TP63: variants seen among roughly 807,000 people sequenced by gnomAD.
TP63 encodes the protein tumor protein p63, also known as tumor protein 63.
Under a neutral mutation model 82.8 loss-of-function variants are expected in TP63, and 17 were observed. That is an observed-to-expected ratio of 0.21 (90% CI 0.14 to 0.31). The LOEUF (loss-of-function observed/expected upper bound fraction) is 0.31. TP63 is among the 10% of genes least tolerant of loss of function. The pLI, the probability that TP63 is intolerant of heterozygous loss-of-function variation, is 1.00. For synonymous variants in TP63, 330 were observed against 321.7 expected, an observed-to-expected ratio of 1.03 and a Z score of -0.28; for missense variants, 648 against 895.3, an observed-to-expected ratio of 0.72 and a Z score of 3.52.
Position 189,726,063 on chromosome 3 carries a change from C to T in TP63, c.63-11677C>T, listed in dbSNP as rs113489704. Reference sequence around the variant, plus strand: ...GAGCGAGAGTTTATTTTGGGTGGGGCGGGGGGGAATATTTTGTCATCATTG... The same window carrying T: ...GAGCGAGAGTTTATTTTGGGTGGGGTGGGGGGGAATATTTTGTCATCATTG... On this transcript the variant is annotated intron_variant, in intron 1 of 13. Coordinates refer to ENST00000264731, the MANE Select transcript of TP63 (RefSeq NM_003722.5). Among the ~76,000 whole-genome samples, 45 of 63,978 alleles carry T rather than the reference C, an allele frequency of 7.0e-4. 1 individual carries two copies. In the South Asian group the frequency reaches 0.021, roughly 30 times the overall value. 42.0% of individuals were successfully genotyped at this position (63,978 alleles called of 152,430 possible).
At chr3:189,635,628 T>C (rs1018786977) in intron 1 of TP63, among the ~76,000 whole-genome samples, 1 of 152,096 alleles carries the variant, frequency 6.6e-6, no homozygotes, top group Non-Finnish European at 1.5e-5. Flanking sequence ...TTGCTGCAGG[T>C]CCGAGTCCCC....
chr3:189,667,063 A>T (rs1333585305), intron 1 of TP63, among the ~76,000 whole-genome samples: 2 of 150,156 alleles, frequency 1.3e-5, no homozygotes, highest in Non-Finnish European at 3.0e-5. Context: ...GTGTCTCATG[A>T]TTGAACCTAC....
chr3:189,622,450 A>C, the TP63 span, among the ~76,000 whole-genome samples: 2 of 152,204 alleles, frequency 1.3e-5, no homozygotes, highest in East Asian at 1.9e-4. Context: ...GTCACCAACT[A>C]TCTCTTCCTG....
chr3:189,609,694 A>T, the TP63 span, among the ~76,000 whole-genome samples: 1 of 152,170 alleles, frequency 6.6e-6, no homozygotes, highest in East Asian at 1.9e-4. Context: ...ATTCATGTTC[A>T]TGCAAAAGAC....
At position 189,774,956 on chromosome 3, in the gene TP63, G is replaced by T. The variant is rs142895918; in HGVS notation, c.325-33316G>T. ...TTGACAGCCGGGCATGGTGGCTCACGCCTGTAATCCCAGCACTTTGGGAGG... is the reference window on the plus strand; with the variant it reads ...TTGACAGCCGGGCATGGTGGCTCACTCCTGTAATCCCAGCACTTTGGGAGG... On this transcript the variant is annotated intron_variant, in intron 3 of 13. Coordinates refer to ENST00000264731, the MANE Select transcript of TP63 (RefSeq NM_003722.5). Among the ~76,000 whole-genome samples the T allele has an allele frequency of 1.2e-3, 185 of 152,212 alleles. 1 individual carries two copies. The East Asian group carries it at 0.027, about 22-fold the overall frequency.
intron 1 of TP63, among the ~76,000 whole-genome samples, chr3:189,684,756 G>A (rs943351661): frequency 7.9e-5 from 12 of 151,110 alleles, no homozygotes; most frequent in South Asian, 4.2e-4. Flanking sequence ...TCAGCCTCCC[G>A]AGTAGCTGAG....
intron 1 of TP63, among the ~76,000 whole-genome samples, chr3:189,653,296 A>G (rs920417721): frequency 3.3e-5 from 5 of 152,206 alleles, no homozygotes; most frequent in African/African-American, 9.6e-5. Context: ...GTTTCTCGAC[A>G]CTGACCAAAG....
At chr3:189,800,737 T>C (rs1202092439) in intron 3 of TP63, among the ~76,000 whole-genome samples, 1 of 152,092 alleles carries the variant, frequency 6.6e-6, no homozygotes, top group Non-Finnish European at 1.5e-5. Flanking sequence ...TGGATATTAA[T>C]GCCATGTGTC....
the TP63 span, among the ~76,000 whole-genome samples, chr3:189,615,461 G>A: frequency 1.3e-5 from 2 of 152,154 alleles, no homozygotes; most frequent in African/African-American, 2.4e-5. Flanking sequence ...TTCTTTAATG[G>A]CACGCATCAC....
At chr3:189,695,193 T>A (rs1251200787) in intron 1 of TP63, among the ~76,000 whole-genome samples, 2 of 152,182 alleles carry the variant, frequency 1.3e-5, no homozygotes, top group Non-Finnish European at 2.9e-5. Context: ...TTTATTTATA[T>A]CATTATAAAC....
At chr3:189,877,281 C>T (rs1054735787) in intron 10 of TP63, among the ~76,000 whole-genome samples, 1 of 152,110 alleles carries the variant, frequency 6.6e-6, no homozygotes, top group African/African-American at 2.4e-5. Context: ...AAAGACAAAT[C>T]GGACCCTATC....
intron 1 of TP63, among the ~76,000 whole-genome samples, chr3:189,702,485 T>C (rs1717887281): frequency 6.6e-6 from 1 of 152,208 alleles, no homozygotes. Context: ...AGCTTTAAAT[T>C]CTTTACTCAT....
intron 1 of TP63, among the ~76,000 whole-genome samples, chr3:189,702,629 G>C (rs1050332834): frequency 6.6e-6 from 1 of 152,182 alleles, no homozygotes; most frequent in African/African-American, 2.4e-5. Context: ...GAGCCAGAGG[G>C]AAAAGTTGAG....
intron 3 of TP63, among the ~76,000 whole-genome samples, chr3:189,760,829 A>T (rs1471150075): frequency 6.6e-6 from 1 of 152,312 alleles, no homozygotes; most frequent in East Asian, 1.9e-4. Context: ...GCATCCAGGC[A>T]TTTCCATACA....
chr3:189,747,667 T>C (rs914286824), intron 3 of TP63, among the ~76,000 whole-genome samples: 3 of 151,794 alleles, frequency 2.0e-5, no homozygotes, highest in African/African-American at 7.3e-5. Context: ...ACAATGCACC[T>C]TAAGGAAATG....
chr3:189,790,273 A>G (rs890531957), intron 3 of TP63, among the ~76,000 whole-genome samples: 4 of 152,006 alleles, frequency 2.6e-5, no homozygotes, highest in African/African-American at 9.7e-5. Context: ...CTAAAAGCAA[A>G]TGAAGCTTTT....
chr3:189,626,929 T>C (rs879361661), upstream of TP63, among the ~76,000 whole-genome samples: 17 of 152,044 alleles, frequency 1.1e-4, no homozygotes, highest in Non-Finnish European at 5.9e-5. Context: ...ATGTTTTGTT[T>C]GTTTGTTTGT....
intron 10 of TP63, among the ~76,000 whole-genome samples, chr3:189,885,247 A>G (rs1418469899): frequency 6.6e-6 from 1 of 151,662 alleles, no homozygotes; most frequent in African/African-American, 2.4e-5. Flanking sequence ...TAGATGCTGC[A>G]TAGTCTGTAC....
upstream of TP63, among the ~76,000 whole-genome samples, chr3:189,627,147 C>T (rs538172790): frequency 1.8e-4 from 28 of 152,250 alleles, no homozygotes; most frequent in African/African-American, 6.7e-4. Context: ...TTTGCTCTCT[C>T]CTTCAGAGTT....
Sources: allele counts gnomAD v4.1 joint callset (sites outside exome capture counted in the v4.1 genomes callset), GRCh38; gene constraint gnomAD v4.1.1; transcripts MANE v1.5; gene names NCBI Gene and HGNC (gene_info 2026-07-23, HGNC 2026-07-21).